The following CRYBA4 variants were observed in gnomAD, a reference collection of about 807,000 sequenced individuals.
CRYBA4 encodes the protein crystallin beta A4.
Under a neutral mutation model 31.7 loss-of-function variants are expected in CRYBA4, and 30 were observed. The ratio of observed to expected loss-of-function variants is 0.95; its 90% CI spans 0.71 to 1.28. CRYBA4 has a LOEUF of 1.28. Ranked by LOEUF, CRYBA4 falls within the 50% of genes most tolerant of loss-of-function variation. The probability of loss-of-function intolerance (pLI) is 0.00; values close to 1 mark genes in which losing one functional copy is unlikely to be tolerated. For missense variants in CRYBA4, 225 were observed against 260.7 expected, an observed-to-expected ratio of 0.86 and a Z score of 0.94; for synonymous variants, 102 against 102.3, an observed-to-expected ratio of 1.00 and a Z score of 0.02.
chr22:26,624,237 G>A (rs186020098), intron 3 of CRYBA4, among the ~76,000 whole-genome samples: 11 of 151,556 alleles, frequency 7.3e-5, no homozygotes, highest in Admixed American at 6.6e-4. Flanking sequence ...TAGAAAGGAG[G>A]TGTGGCCAGT....
Position 26,630,440 on chromosome 22 carries a change from C to T in CRYBA4, c.544C>T (p.His182Tyr). 6.2e-7 allele frequency: 1 copy of T among 1,613,796 alleles called. No individual in the cohort carries two copies. Among genetic ancestry groups the T allele is most frequent in the Non-Finnish European group, 8.5e-7 (1 of 1,179,726 alleles). The stretch of plus-strand genomic sequence containing the variant: ...CAAACATTTCCGGGAGTGGGGCTCT[C>T]ATGCCCCGACCTTCCAGGTGCAGAG... ...DYKHFREWGS[H>Y]APTFQVQSIR... Residue 182 changes from histidine to tyrosine, a missense_variant, in exon 6 of 6, where the codon CAT becomes TAT. His to Tyr is a moderately conservative substitution (Grantham distance 83). Transcript: ENST00000354760.
chr22:26,625,174 T>C (rs1432991254), intron 3 of CRYBA4, among the ~76,000 whole-genome samples: 1 of 152,158 alleles, frequency 6.6e-6, no homozygotes, highest in East Asian at 1.9e-4. Context: ...GCAAGTGAGG[T>C]CTAGAGCTGG....
the CRYBA4 span, among the ~76,000 whole-genome samples, chr22:26,593,961 G>A: frequency 6.6e-6 from 1 of 152,216 alleles, no homozygotes; most frequent in South Asian, 2.1e-4. Context: ...TGGAAACAGA[G>A]GCTCCAGCAG....
chr22:26,606,999 G>A, the CRYBA4 span, among the ~76,000 whole-genome samples: 9 of 144,906 alleles, frequency 6.2e-5, no homozygotes, highest in South Asian at 6.6e-4. Flanking sequence ...TTCAAGCTGC[G>A]TTTCTACAGT....
At chr22:26,627,751 C>T (rs1303519002) in intron 4 of CRYBA4, among the ~76,000 whole-genome samples, 3 of 151,714 alleles carry the variant, frequency 2.0e-5, no homozygotes, top group Non-Finnish European at 4.4e-5. Flanking sequence ...CAGGTTCAAG[C>T]GATTCTCCTG....
At chr22:26,617,054 G>A (rs754416202), upstream of CRYBA4, among the ~76,000 whole-genome samples, 10 of 152,172 alleles carry the variant, frequency 6.6e-5, no homozygotes, top group Non-Finnish European at 8.8e-5. Context: ...TCCTTTCCCC[G>A]TCTGCTTCCT....
the CRYBA4 span, among the ~76,000 whole-genome samples, chr22:26,601,695 G>T: frequency 2.7e-5 from 4 of 150,670 alleles, no homozygotes; most frequent in Admixed American, 2.0e-4. Flanking sequence ...ATTCCTCAAA[G>T]TGTGACTCTA....
Position 26,622,453 on chromosome 22 carries a change from C to T in CRYBA4, c.-12-132C>T, listed in dbSNP as rs928817292. 17 of 760,994 alleles carry T rather than the reference C, an allele frequency of 2.2e-5. No homozygotes were observed. In the Admixed American group the frequency reaches 3.2e-4, roughly 14 times the overall value. The allele number at this position is 760,994 out of a possible 1,614,324, so 47.1% of individuals were successfully genotyped here. On this transcript the variant is annotated intron_variant, in intron 1 of 5. Coordinates refer to ENST00000354760, the MANE Select transcript of CRYBA4 (RefSeq NM_001886.3). Reference sequence around the variant, plus strand: ...AGGACAGGAGAGGGACAGGCCAAAGCCATGCATTGCCCCTAGCCCAGTCAC... The same window carrying T: ...AGGACAGGAGAGGGACAGGCCAAAGTCATGCATTGCCCCTAGCCCAGTCAC...
upstream of CRYBA4, among the ~76,000 whole-genome samples, chr22:26,617,177 G>A (rs1929384293): frequency 6.6e-6 from 1 of 152,194 alleles, no homozygotes; most frequent in Admixed American, 6.5e-5. Flanking sequence ...GACTGGGGCT[G>A]GGTAGGCTTT....
rs760028967 is a variant in CRYBA4, at chr22:26,625,633, C to G, written c.300+11C>G. The G allele has an allele frequency of 3.7e-6, 6 of 1,613,188 alleles. No individual in the cohort carries two copies. The highest frequency in any genetic ancestry group is 5.1e-6 in the Non-Finnish European group (6 of 1,179,724). ...CCTGCGGCCTGTGCTGTAAGTTCTA[C>G]CACTGCTGCATCCCGGGGAGGCCCA... On this transcript the variant is annotated intron_variant, in intron 4 of 5. Transcript: ENST00000354760.
In CRYBA4 at chr22:26,628,276, C is replaced by G. The variant is rs759565876; in HGVS notation, c.301-12C>G. ...GAGCCTGCTGGTCTGACTGTGTTCC[C>G]TGTTCCTGTAGAACCACCGTGACTC... On this transcript the variant is annotated splice_polypyrimidine_tract_variant and intron_variant, in intron 4 of 5. Transcript: ENST00000354760. 6.2e-7 allele frequency: 1 copy of G among 1,613,790 alleles called. No homozygotes were observed. The highest frequency in any genetic ancestry group is 1.1e-5 in the South Asian group (1 of 91,044).
upstream of CRYBA4, among the ~76,000 whole-genome samples, chr22:26,619,642 G>A (rs1265470347): frequency 1.3e-5 from 2 of 152,208 alleles, no homozygotes; most frequent in African/African-American, 4.8e-5. Context: ...CCACCACCCA[G>A]CACCCCCTCG....
the CRYBA4 span, among the ~76,000 whole-genome samples, chr22:26,611,456 T>TTTTG: frequency 7.4e-6 from 1 of 134,742 alleles, no homozygotes; most frequent in Non-Finnish European, 1.6e-5. Context: ...TAGAGTTTGT[T>TTTTG]TTTTTTTTTT....
At chr22:26,618,941 T>C (rs1929451114), upstream of CRYBA4, among the ~76,000 whole-genome samples, 1 of 152,202 alleles carries the variant, frequency 6.6e-6, no homozygotes, top group South Asian at 2.1e-4. Flanking sequence ...TTATCTGACC[T>C]GGAGGACAGT....
chr22:26,608,043 A>G, the CRYBA4 span: 3 of 1,614,088 alleles, frequency 1.9e-6, no homozygotes, highest in South Asian at 3.3e-5. Context: ...AAGGACCATG[A>G]GGCAGACAGG....
the CRYBA4 span, among the ~76,000 whole-genome samples, chr22:26,593,246 A>C: frequency 6.6e-6 from 1 of 152,236 alleles, no homozygotes; most frequent in Non-Finnish European, 1.5e-5. Flanking sequence ...AAGAATATTT[A>C]TCAAAAGCAG....
chr22:26,607,752 A>G, the CRYBA4 span: 10 of 1,159,198 alleles, frequency 8.6e-6, no homozygotes, highest in African/African-American at 1.5e-5. Context: ...TCAAGAATCC[A>G]CGGTCCTTTG....
chr22:26,628,803 C>T (rs769757513), intron 5 of CRYBA4, among the ~76,000 whole-genome samples: 1 of 152,170 alleles, frequency 6.6e-6, no homozygotes, highest in Non-Finnish European at 1.5e-5. Flanking sequence ...ACATCCAGCC[C>T]TAGGGAAAGA....
Position 26,630,567 on chromosome 22 carries a change from T to A in CRYBA4, c.*80T>A. ...TGGAGGCTGTGGTGTGTTCTCTCCT[T>A]CTGCCTCCCCCTGTAACCTGTGTGA... On this transcript the variant is annotated 3_prime_UTR_variant, in exon 6 of 6. Coordinates refer to ENST00000354760, the MANE Select transcript of CRYBA4 (RefSeq NM_001886.3). The A allele has an allele frequency of 7.9e-7, 1 of 1,260,848 alleles. No homozygotes were observed. The highest frequency in any genetic ancestry group is 1.1e-6 in the Non-Finnish European group (1 of 890,016). 78.1% of individuals were successfully genotyped at this position (1,260,848 alleles called of 1,614,324 possible).
Sources: gnomAD v4.1 joint callset for allele counts (sites outside exome capture counted in the v4.1 genomes callset) on GRCh38, gnomAD v4.1.1 for gene constraint, MANE v1.5 for transcripts, NCBI Gene and HGNC (gene_info 2026-07-23, HGNC 2026-07-21) for gene names.